STK39: variants seen among roughly 807,000 people sequenced by gnomAD.
The protein encoded by STK39 is STE20/SPS1-related proline-alanine-rich protein kinase.
STK39 carries 20 observed loss-of-function variants against 77.8 expected under a neutral mutation model. The observed-to-expected ratio is 0.26, with a 90% CI of 0.18 to 0.37. The LOEUF (loss-of-function observed/expected upper bound fraction) is 0.37. STK39 is among the 10% of genes least tolerant of loss of function. The pLI is 1.00. For synonymous variants in STK39, 246 were observed against 234.1 expected (o/e 1.05, Z -0.47); for missense variants, 479 against 656.5 (o/e 0.73, Z 2.95).
intron 1 of STK39, among the ~76,000 whole-genome samples, chr2:168,222,064 T>A (rs1690186280): frequency 6.6e-6 from 1 of 152,164 alleles, no homozygotes; most frequent in Non-Finnish European, 1.5e-5. Context: ...TATAGAGTAG[T>A]GTATTTGCAT....
At chr2:168,072,908 CA>C (rs1559083561) in intron 12 of STK39, among the ~76,000 whole-genome samples, 2 of 152,284 alleles carry the variant, frequency 1.3e-5, no homozygotes, top group South Asian at 4.2e-4. Context: ...TGTGCAATAG[CA>C]GGTGGGGCCT....
At position 168,078,208 on chromosome 2, in the gene STK39, G is replaced by A. The variant is rs1007521144; in HGVS notation, c.1090-2977C>T. ...GTTGGCAGTAGTAAGGTTAGAAAAT[G>A]TTTTATATTTTCTTCTCTTTCTCTA... is the stretch of plus-strand genomic sequence containing the variant. On this transcript the variant is annotated intron_variant, in intron 10 of 17. Coordinates refer to ENST00000355999, the MANE Select transcript of STK39 (RefSeq NM_013233.3). 3.9e-5 allele frequency among the ~76,000 whole-genome samples: 6 copies of A among 152,172 alleles called. No individual in the cohort carries two copies. The East Asian group carries it at 5.8e-4, about 15-fold the overall frequency.
chr2:167,960,165 G>A (rs1417877657), intron 17 of STK39, among the ~76,000 whole-genome samples: 1 of 152,194 alleles, frequency 6.6e-6, no homozygotes, highest in Non-Finnish European at 1.5e-5. Flanking sequence ...CCCTGCACCT[G>A]GAAGAAGAAA....
intron 17 of STK39, among the ~76,000 whole-genome samples, chr2:167,956,728 T>TC (rs1235889078): frequency 0.014 from 727 of 53,436 alleles, 6 homozygotes; most frequent in African/African-American, 0.037. Flanking sequence ...TCTCTCTCTC[T>TC]CCCCCCCCGC....
chr2:168,051,215 G>C (rs1445708432), intron 14 of STK39, among the ~76,000 whole-genome samples: 2 of 152,132 alleles, frequency 1.3e-5, no homozygotes, highest in Non-Finnish European at 2.9e-5. Context: ...AGAATTTTTA[G>C]AATGCTAAGA....
intron 10 of STK39, among the ~76,000 whole-genome samples, chr2:168,108,224 G>A (rs886238189): frequency 3.9e-5 from 6 of 152,222 alleles, no homozygotes; most frequent in South Asian, 2.1e-4. Flanking sequence ...ACAAACTTTT[G>A]AAAAACTGCC....
At chr2:168,130,990 T>A (rs1687681467) in intron 8 of STK39, among the ~76,000 whole-genome samples, 1 of 152,216 alleles carries the variant, frequency 6.6e-6, no homozygotes, top group African/African-American at 2.4e-5. Context: ...ACAGAGGCTA[T>A]AAAGGACATT....
chr2:168,206,177 TG>T (rs1413652735), intron 1 of STK39, among the ~76,000 whole-genome samples: 2 of 152,364 alleles, frequency 1.3e-5, no homozygotes, highest in Admixed American at 1.3e-4. Flanking sequence ...GGCCCACAGC[TG>T]GCATATCTAT....
intron 2 of STK39, among the ~76,000 whole-genome samples, chr2:168,169,255 T>C: frequency 6.6e-6 from 1 of 152,096 alleles, no homozygotes; most frequent in East Asian, 1.9e-4. Context: ...GAAGGAGAAA[T>C]GGAACACTGC....
intron 1 of STK39, among the ~76,000 whole-genome samples, chr2:168,213,800 G>A (rs1689955147): frequency 6.6e-6 from 1 of 151,426 alleles, no homozygotes; most frequent in Admixed American, 6.6e-5. Flanking sequence ...TATTTTCCTT[G>A]CTTGCTCATA....
chr2:167,991,001 C>T lies in STK39; in HGVS notation c.1498+21633G>A, dbSNP rs145659048. On this transcript the variant is annotated intron_variant, in intron 16 of 17. Coordinates refer to ENST00000355999, the MANE Select transcript of STK39 (RefSeq NM_013233.3). ...GAACCTGGACTTCAATGGGATGTCA[C>T]GGTAAAATGGTGTAAATAGCTTCAA... Among the ~76,000 whole-genome samples the T allele has an allele frequency of 4.3e-3, 650 of 152,246 alleles. 4 individuals carry two copies. The highest frequency in any genetic ancestry group is 4.8e-3 in the Non-Finnish European group (329 of 68,028).
intron 10 of STK39, among the ~76,000 whole-genome samples, chr2:168,089,643 C>T (rs867935723): frequency 6.6e-6 from 1 of 152,186 alleles, no homozygotes. Context: ...GAGACAGTTT[C>T]GCTCTTGTTG....
chr2:168,107,740 T>C (rs994668664), intron 10 of STK39, among the ~76,000 whole-genome samples: 11 of 152,230 alleles, frequency 7.2e-5, no homozygotes, highest in African/African-American at 2.2e-4. Flanking sequence ...TGGGAAAATT[T>C]ACTCATTTTC....
intron 16 of STK39, among the ~76,000 whole-genome samples, chr2:167,970,832 C>T (rs545512247): frequency 6.6e-6 from 1 of 152,326 alleles, no homozygotes; most frequent in South Asian, 2.1e-4. Context: ...TGAGCTGTAG[C>T]CAATCCAGTT....
At chr2:168,095,751 C>T (rs1285728265) in intron 10 of STK39, among the ~76,000 whole-genome samples, 3 of 151,716 alleles carry the variant, frequency 2.0e-5, no homozygotes, top group African/African-American at 7.3e-5. Context: ...TTCAGCCTCC[C>T]GGGTAGCTGG....
chr2:168,069,002 C>A (rs982716523), intron 12 of STK39, among the ~76,000 whole-genome samples: 1 of 152,094 alleles, frequency 6.6e-6, no homozygotes, highest in Non-Finnish European at 1.5e-5. Context: ...CTGCAACCTC[C>A]GCCTCCTGGG....
chr2:168,155,129 T>G (rs2105568166), intron 5 of STK39, among the ~76,000 whole-genome samples: 1 of 152,310 alleles, frequency 6.6e-6, no homozygotes, highest in African/African-American at 2.4e-5. Flanking sequence ...CTGTCCCCCC[T>G]GCAGCTAAAC....
chr2:168,233,492 A>G (rs568318341), intron 1 of STK39, among the ~76,000 whole-genome samples: 2 of 152,232 alleles, frequency 1.3e-5, no homozygotes, highest in East Asian at 3.9e-4. Flanking sequence ...CAGGTATCCT[A>G]CCCAAATAGT....
intron 16 of STK39, among the ~76,000 whole-genome samples, chr2:167,995,109 T>G (rs1683800581): frequency 6.6e-6 from 1 of 151,536 alleles, no homozygotes; most frequent in African/African-American, 2.4e-5. Flanking sequence ...ATTTTTCTTT[T>G]GTTTTGTTTT....
Sources: allele counts gnomAD v4.1 joint callset (sites outside exome capture counted in the v4.1 genomes callset), GRCh38; gene constraint gnomAD v4.1.1; transcripts MANE v1.5; gene names NCBI Gene and HGNC (gene_info 2026-07-23, HGNC 2026-07-21).